The following FLT1 variants were observed in gnomAD, a reference collection of about 807,000 sequenced individuals.
FLT1 encodes vascular endothelial growth factor receptor 1.
In FLT1, 49 loss-of-function variants were observed where a neutral mutation model predicts 156.3. That is an observed-to-expected ratio of 0.31 (90% CI 0.25 to 0.40). The LOEUF (loss-of-function observed/expected upper bound fraction) is 0.40, where lower values mean the gene tolerates loss of function less well. Among genes scored for constraint, FLT1 ranks in the 10% least tolerant of loss-of-function variants. FLT1 has a pLI of 1.00. For missense variants in FLT1, 1,322 were observed against 1,637.2 expected (o/e 0.81, Z 3.32); for synonymous variants, 594 against 583.8 (o/e 1.02, Z -0.25).
intron 24 of FLT1, among the ~76,000 whole-genome samples, chr13:28,318,654 G>A (rs1433558002): frequency 6.6e-6 from 1 of 152,084 alleles, no homozygotes; most frequent in Non-Finnish European, 1.5e-5. Context: ...TCGAAAGCAG[G>A]GGAATGATTT....
intron 10 of FLT1, among the ~76,000 whole-genome samples, chr13:28,414,406 A>T (rs1286394025): frequency 2.0e-5 from 3 of 152,212 alleles, no homozygotes; most frequent in South Asian, 2.1e-4. Flanking sequence ...TAGCCAACTC[A>T]AAAAAGCAAC....
At chr13:28,324,613 A>T (rs780680076) in intron 20 of FLT1, among the ~76,000 whole-genome samples, 1 of 152,264 alleles carries the variant, frequency 6.6e-6, no homozygotes, top group Non-Finnish European at 1.5e-5. Flanking sequence ...TGTTTCCACA[A>T]TGCAGTTATA....
chr13:28,412,353 T>TC (rs1876294761), intron 10 of FLT1, among the ~76,000 whole-genome samples: 1 of 67,428 alleles, frequency 1.5e-5, no homozygotes, highest in African/African-American at 4.4e-5. Flanking sequence ...TTTCTTTCTC[T>TC]TTCTTTCTTT....
At position 28,301,172 on chromosome 13, in the gene FLT1, GAA is replaced by G. The variant is rs34252053; in HGVS notation, c.*1993_*1994del. ...ATTTGCTGGGCTATTATCTGATTTGGAAAAAAAAAAAAAAGTAGAGAATTGAC... is the reference window on the plus strand; with the variant it reads ...ATTTGCTGGGCTATTATCTGATTTGGAAAAAAAAAAAAGTAGAGAATTGAC... On this transcript the variant is annotated 3_prime_UTR_variant, in exon 30 of 30. Transcript: ENST00000282397. 1.2e-3 allele frequency: 266 copies of G among 215,324 alleles called. No homozygotes were observed. Among genetic ancestry groups the G allele is most frequent in the East Asian group, 4.1e-3 (64 of 15,566 alleles). 13.3% of individuals were successfully genotyped at this position (215,324 alleles called of 1,614,324 possible). A position where few individuals can be genotyped will look rare whatever the true frequency, so the allele number is the denominator to read the frequency against.
intron 13 of FLT1, chr13:28,385,775 T>TCC (rs1345932263): frequency 2.9e-6 from 3 of 1,021,238 alleles, no homozygotes; most frequent in Non-Finnish European, 3.5e-6. Context: ...ACAAAATGAA[T>TCC]TCAATACATT....
intron 1 of FLT1, among the ~76,000 whole-genome samples, chr13:28,473,761 GGAAGGAAGGAAGGAAGGAAAGAAAGAAA>G (rs1880344157): frequency 2.3e-5 from 2 of 87,374 alleles, no homozygotes; most frequent in African/African-American, 1.0e-4. Flanking sequence ...AAGGAAGGAA[GGAAGGAAGGAAGGAAGGAAAGAAAGAAA>G]GAAAGAAAGA....
chr13:28,307,787 G>A (rs1489680666), intron 28 of FLT1, among the ~76,000 whole-genome samples: 3 of 122,812 alleles, frequency 2.4e-5, no homozygotes, highest in Non-Finnish European at 5.1e-5. Flanking sequence ...TTTTTTTTTT[G>A]AGACGGAGTC....
chr13:28,430,202 G>C, intron 7 of FLT1, 35 bp from the exon 8 acceptor site: 2 of 1,479,832 alleles, frequency 1.4e-6, no homozygotes, highest in South Asian at 1.1e-5. Flanking sequence ...CATTAGAAAA[G>C]AATAATTTCC....
At chr13:28,305,733 C>T (rs145838210) in intron 29 of FLT1, among the ~76,000 whole-genome samples, 3,536 of 152,220 alleles carry the variant, frequency 0.023, 76 homozygotes, top group South Asian at 0.044. Flanking sequence ...TGAGTGCAGC[C>T]CAACACAAAC....
rs138568742 is a variant in FLT1 at position 28,414,793 on chromosome 13, C to G, written c.1437-8899G>C. Among the ~76,000 whole-genome samples the G allele has an allele frequency of 1.6e-3, 245 of 152,198 alleles. 1 individual carries two copies. Among genetic ancestry groups the G allele is most frequent in the Middle Eastern group, 0.014 (4 of 294 alleles). On this transcript the variant is annotated intron_variant, in intron 10 of 29. Transcript: ENST00000282397. ...AGAATGGCCAGATGAGATGTGGACC[C>G]AATCACACATCAGATGTCAACCCTA...
chr13:28,421,526 C>G (rs533661050), intron 10 of FLT1, among the ~76,000 whole-genome samples: 69 of 104,506 alleles, frequency 6.6e-4, no homozygotes, highest in African/African-American at 2.4e-3. Context: ...GGTGGAGGAG[C>G]TGCTGCACTT....
intron 3 of FLT1, among the ~76,000 whole-genome samples, chr13:28,456,085 C>A (rs1879246991): frequency 6.6e-6 from 1 of 152,196 alleles, no homozygotes; most frequent in African/African-American, 2.4e-5. Flanking sequence ...ACTAGCCTTT[C>A]TATTGCCCTA....
rs1880356535 is a variant in FLT1, at chr13:28,473,781, AG to A, written c.65-6165del. On this transcript the variant is annotated intron_variant, in intron 1 of 29. Transcript: ENST00000282397. ...AGGAAGGAAGGAAGGAAGGAAGGAAAGAAAGAAAGAAAGAAAGAAAGAAAGA... is the reference window on the plus strand; with the variant it reads ...AGGAAGGAAGGAAGGAAGGAAGGAAAAAAGAAAGAAAGAAAGAAAGAAAGA... Among the ~76,000 whole-genome samples the A allele has an allele frequency of 6.6e-5, 4 of 60,866 alleles. 2 individuals are homozygous for A. Among genetic ancestry groups the A allele is most frequent in the South Asian group, 1.3e-3 (2 of 1,496 alleles). The allele number at this position is 60,866 out of a possible 152,430, so 39.9% of individuals were successfully genotyped here. A position where few individuals can be genotyped will look rare whatever the true frequency, so the allele number is the denominator to read the frequency against.
rs184004037 is a variant in FLT1 at position 28,320,048 on chromosome 13, G to A, written c.3175-514C>T. Among the ~76,000 whole-genome samples, 4 of 152,322 alleles carry A rather than the reference G, an allele frequency of 2.6e-5. No individual in the cohort carries two copies. The East Asian group carries it at 7.7e-4, about 29-fold the overall frequency. Reference sequence around the variant, plus strand: ...AAGGAAAGAAGTCAGTGTTGAAAGAGAATATACAGTTAGTTTTCAAACATG... The same window carrying A: ...AAGGAAAGAAGTCAGTGTTGAAAGAAAATATACAGTTAGTTTTCAAACATG... On this transcript the variant is annotated intron_variant, in intron 23 of 29. Transcript: ENST00000282397.
At chr13:28,372,048 GTATA>G (rs1169072431) in intron 14 of FLT1, among the ~76,000 whole-genome samples, 61 of 75,540 alleles carry the variant, frequency 8.1e-4, no homozygotes, top group African/African-American at 2.0e-3. Context: ...GTGTGTGTGT[GTATA>G]TATATATATA....
At chr13:28,488,236 A>G (rs1881274586) in intron 1 of FLT1, among the ~76,000 whole-genome samples, 2 of 152,154 alleles carry the variant, frequency 1.3e-5, no homozygotes, top group Non-Finnish European at 1.5e-5. Flanking sequence ...TGTCTCTACA[A>G]AAAACACAAA....
chr13:28,434,429 T>C (rs1877907939), intron 4 of FLT1, among the ~76,000 whole-genome samples: 1 of 152,246 alleles, frequency 6.6e-6, no homozygotes, highest in Admixed American at 6.5e-5. Flanking sequence ...ATTTGCATTA[T>C]GATAAATTAT....
chr13:28,431,782 G>A (rs1345395030), intron 6 of FLT1, among the ~76,000 whole-genome samples: 1 of 152,164 alleles, frequency 6.6e-6, no homozygotes, highest in Admixed American at 6.5e-5. Context: ...GCCTTAGTTA[G>A]TGTCTGGCTT....
At chr13:28,374,227 C>T (rs1358709416) in intron 14 of FLT1, among the ~76,000 whole-genome samples, 1 of 151,508 alleles carries the variant, frequency 6.6e-6, no homozygotes, top group Non-Finnish European at 1.5e-5. Flanking sequence ...GAGGCCTGGG[C>T]AACATAGAAA....
Sources: allele counts gnomAD v4.1 joint callset (sites outside exome capture counted in the v4.1 genomes callset), GRCh38; gene constraint gnomAD v4.1.1; transcripts MANE v1.5; gene names NCBI Gene and HGNC (gene_info 2026-07-23, HGNC 2026-07-21).